Variants in FBXL20 observed in about 807,000 individuals in gnomAD.
The protein encoded by FBXL20 is F-box and leucine rich repeat protein 20.
FBXL20 carries 11 observed loss-of-function variants against 64.0 expected under a neutral mutation model. That is an observed-to-expected ratio of 0.17 (90% confidence interval 0.11 to 0.28). FBXL20 has a LOEUF of 0.28. FBXL20 is among the 10% of genes least tolerant of loss of function. The probability of loss-of-function intolerance (pLI) is 1.00; values close to 1 mark genes in which losing one functional copy is unlikely to be tolerated. For synonymous variants in FBXL20, 184 were observed against 189.0 expected (o/e 0.97, Z 0.22); for missense variants, 303 against 526.2 (o/e 0.58, Z 4.15).
chr17:39,265,970 C>T (rs1436209248), intron 12 of FBXL20, among the ~76,000 whole-genome samples: 3 of 151,672 alleles, frequency 2.0e-5, no homozygotes, highest in Non-Finnish European at 4.4e-5. Context: ...TGGTCTTCAA[C>T]TTTCAGGCTC....
chr17:39,290,900 A>C (rs1488183262), intron 6 of FBXL20, among the ~76,000 whole-genome samples: 4 of 151,924 alleles, frequency 2.6e-5, no homozygotes, highest in Non-Finnish European at 5.9e-5. Flanking sequence ...GACAGAGGTT[A>C]ATCAAGCTTA....
chr17:39,292,424 C>T (rs2047047972), intron 6 of FBXL20, among the ~76,000 whole-genome samples: 2 of 141,748 alleles, frequency 1.4e-5, no homozygotes, highest in Admixed American at 6.8e-5. Context: ...GATAGGTTGC[C>T]CAGGCTTGAG....
chr17:39,301,433 A>C (rs1006500966), intron 3 of FBXL20, among the ~76,000 whole-genome samples: 4 of 152,122 alleles, frequency 2.6e-5, no homozygotes, highest in South Asian at 2.1e-4. Flanking sequence ...CCTATAAAAA[A>C]ATTTAAAAAC....
rs1046302497 is a variant in FBXL20, at chr17:39,370,561, C to T, written c.43-27320G>A. Among the ~76,000 whole-genome samples the T allele has an allele frequency of 6.7e-5, 10 of 148,926 alleles. No individual in the cohort carries two copies. The South Asian group carries it at 1.1e-3, about 16-fold the overall frequency. ...CAGCACTTTGGGAGGCCGAGGCGGG[C>T]GGATCACAAGGTCAGGAGATCGAGA... On this transcript the variant is annotated intron_variant, in intron 1 of 14. Transcript: ENST00000264658.
intron 10 of FBXL20, among the ~76,000 whole-genome samples, chr17:39,271,984 C>A (rs1263711706): frequency 6.6e-6 from 1 of 152,092 alleles, no homozygotes; most frequent in East Asian, 1.9e-4. Flanking sequence ...TGCGGTGGCT[C>A]ACACCTATAA....
intron 1 of FBXL20, among the ~76,000 whole-genome samples, chr17:39,364,442 C>G (rs1024840285): frequency 2.0e-5 from 3 of 151,994 alleles, no homozygotes; most frequent in African/African-American, 7.2e-5. Context: ...TACCTTCTCT[C>G]AAAAACAACA....
intron 6 of FBXL20, among the ~76,000 whole-genome samples, chr17:39,292,177 G>A (rs186631903): frequency 2.7e-5 from 4 of 150,196 alleles, no homozygotes; most frequent in Admixed American, 1.3e-4. Context: ...ACTGCTTTTT[G>A]GCATACTTGT....
chr17:39,363,152 A>G lies in FBXL20; in HGVS notation c.43-19911T>C, dbSNP rs1163543642. The stretch of plus-strand genomic sequence containing the variant: ...GAGCTACTAGGGAGGCTGGGATTAC[A>G]GGCATGTGCCACCACACCCAGCTAA... On this transcript the variant is annotated intron_variant, in intron 1 of 14. Coordinates refer to ENST00000264658, the MANE Select transcript of FBXL20 (RefSeq NM_032875.3). Among the ~76,000 whole-genome samples the G allele has an allele frequency of 2.6e-5, 4 of 152,034 alleles. No homozygotes were observed. The East Asian group carries it at 7.8e-4, about 30-fold the overall frequency.
rs2047308765 is a variant in FBXL20, at chr17:39,317,697, TTTTG to T, written c.105-14062_105-14059del. Among the ~76,000 whole-genome samples, 3 of 65,968 alleles carry T rather than the reference TTTTG, an allele frequency of 4.5e-5. No individual in the cohort carries two copies. The African/African-American group carries it at 4.6e-4, about 10-fold the overall frequency. 43.3% of individuals were successfully genotyped at this position (65,968 alleles called of 152,430 possible). On this transcript the variant is annotated intron_variant, in intron 2 of 14. Coordinates refer to ENST00000264658, the MANE Select transcript of FBXL20 (RefSeq NM_032875.3). ...ACTTTGTTTTTTTTTTTGTTTTTTT[TTTTG>T]TTTTTTTTTTTTTTTTTTGAGACGG...
chr17:39,401,046 A>G (rs2048236724), intron 1 of FBXL20, among the ~76,000 whole-genome samples: 1 of 152,250 alleles, frequency 6.6e-6, no homozygotes, highest in Non-Finnish European at 1.5e-5. Flanking sequence ...GCTGGGTGGA[A>G]GGAGGCAAGC....
At chr17:39,377,196 C>A (rs185972216) in intron 1 of FBXL20, among the ~76,000 whole-genome samples, 13 of 152,266 alleles carry the variant, frequency 8.5e-5, no homozygotes, top group Non-Finnish European at 1.8e-4. Flanking sequence ...GCAGACCCTG[C>A]ACTTGATGGA....
intron 3 of FBXL20, among the ~76,000 whole-genome samples, 197 bp downstream of exon 3, chr17:39,303,387 CA>C (rs1304739961): frequency 1.3e-5 from 2 of 152,124 alleles, no homozygotes; most frequent in African/African-American, 4.8e-5. Context: ...ATAAGAGATA[CA>C]AAAAGTCAGA....
intron 1 of FBXL20, among the ~76,000 whole-genome samples, chr17:39,398,433 A>G (rs1164758664): frequency 6.6e-6 from 1 of 152,198 alleles, no homozygotes; most frequent in Non-Finnish European, 1.5e-5. Flanking sequence ...GTTTACCATA[A>G]ATAACATAAT....
chr17:39,269,702 G>A (rs1400839912), intron 11 of FBXL20, among the ~76,000 whole-genome samples: 1 of 150,892 alleles, frequency 6.6e-6, no homozygotes, highest in East Asian at 2.0e-4. Context: ...TTCTCCATGT[G>A]GGTCAGGCTG....
chr17:39,378,688 C>T (rs2047993601), intron 1 of FBXL20, among the ~76,000 whole-genome samples: 1 of 151,712 alleles, frequency 6.6e-6, no homozygotes, highest in Admixed American at 6.6e-5. Flanking sequence ...TGGCTCATTG[C>T]AACCTCTGTC....
At chr17:39,286,906 TTTC>T (rs2046993476) in intron 6 of FBXL20, among the ~76,000 whole-genome samples, 1 of 145,918 alleles carries the variant, frequency 6.9e-6, no homozygotes, top group African/African-American at 2.6e-5. Flanking sequence ...TCAGTATCTA[TTTC>T]TTTTTTTTTT....
At chr17:39,345,593 T>G (rs2047625244) in intron 1 of FBXL20, among the ~76,000 whole-genome samples, 1 of 151,936 alleles carries the variant, frequency 6.6e-6, no homozygotes, top group African/African-American at 2.4e-5. Context: ...CAAGCTGGAG[T>G]GCAATAGCAC....
chr17:39,339,035 G>A (rs1334179183), intron 2 of FBXL20, among the ~76,000 whole-genome samples: 3 of 151,764 alleles, frequency 2.0e-5, no homozygotes, highest in Non-Finnish European at 4.4e-5. Flanking sequence ...AAGTGTGGTG[G>A]TGCACACCTG....
chr17:39,319,595 C>T (rs1270247677), intron 2 of FBXL20, among the ~76,000 whole-genome samples: 1 of 132,492 alleles, frequency 7.5e-6, no homozygotes, highest in African/African-American at 2.8e-5. Flanking sequence ...TGAGGCAGGA[C>T]AATTGCTTGA....
Sources: gnomAD v4.1 joint callset for allele counts (sites outside exome capture counted in the v4.1 genomes callset) on GRCh38, gnomAD v4.1.1 for gene constraint, MANE v1.5 for transcripts, NCBI Gene and HGNC (gene_info 2026-07-23, HGNC 2026-07-21) for gene names.